The following TNKS2 variants were observed in gnomAD, a reference collection of about 807,000 sequenced individuals.
TNKS2 encodes tankyrase 2, also known as poly [ADP-ribose] polymerase tankyrase-2.
A neutral mutation model predicts 137.6 loss-of-function variants in TNKS2; 72 were observed. That is an observed-to-expected ratio of 0.52 (90% CI 0.43 to 0.64). The LOEUF is 0.64. Among genes scored for constraint, TNKS2 ranks in the 30% least tolerant of loss-of-function variants. The pLI, the probability that TNKS2 is intolerant of heterozygous loss-of-function variation, is 0.00. For synonymous variants in TNKS2, 516 were observed against 512.1 expected, an observed-to-expected ratio of 1.01 and a Z score of -0.10; for missense variants, 1,049 against 1,410.2, an observed-to-expected ratio of 0.74 and a Z score of 4.10.
chr10:91,863,893 A>G lies in TNKS2; in HGVS notation c.*894A>G, dbSNP rs1379613677. The stretch of plus-strand genomic sequence containing the variant: ...GTTGAACAATTATTGTGTTCTTTTC[A>G]TGGAACATAAGTAGGATGTTACATT... On this transcript the variant is annotated 3_prime_UTR_variant, in exon 27 of 27. Transcript: ENST00000371627. 6.6e-6 allele frequency: 1 copy of G among 152,072 alleles called. No homozygotes were observed. Among genetic ancestry groups the G allele is most frequent in the African/African-American group, 2.4e-5 (1 of 41,418 alleles). 9.4% of individuals were successfully genotyped at this position (152,072 alleles called of 1,614,324 possible).
chr10:91,845,248 C>T (rs1200568266), intron 17 of TNKS2, among the ~76,000 whole-genome samples: 1 of 152,186 alleles, frequency 6.6e-6, no homozygotes, highest in Non-Finnish European at 1.5e-5. Context: ...TGCCTTAACA[C>T]CTGTCTCTTA....
chr10:91,810,920 C>CTTTTTGTTT (rs1844479781), intron 1 of TNKS2, among the ~76,000 whole-genome samples: 1 of 50,124 alleles, frequency 2.0e-5, no homozygotes. Context: ...CTTTTCTTTT[C>CTTTTTGTTT]TTTTTTTTTT....
chr10:91,798,658 G>T lies in TNKS2; in HGVS notation c.-33G>T. ...GCCGGGGCTCCTGCTCCGGTTGCTG[G>T]CGCTGTTGCTGGCTGTGGCGGCGGC... On this transcript the variant is annotated 5_prime_UTR_variant, in exon 1 of 27. Transcript: ENST00000371627. The T allele has an allele frequency of 8.2e-7, 1 of 1,219,274 alleles. No homozygotes were observed. 75.5% of individuals were successfully genotyped at this position (1,219,274 alleles called of 1,614,324 possible). A position where few individuals can be genotyped will look rare whatever the true frequency, so the allele number is the denominator to read the frequency against.
intron 7 of TNKS2, among the ~76,000 whole-genome samples, chr10:91,823,303 G>GT (rs1293082685): frequency 1.8e-5 from 2 of 113,606 alleles, no homozygotes; most frequent in East Asian, 2.7e-4. Context: ...TTTTTTTGTT[G>GT]TTTTTTTGGT....
intron 26 of TNKS2, among the ~76,000 whole-genome samples, chr10:91,862,544 A>G (rs2133688945): frequency 6.6e-6 from 1 of 152,280 alleles, no homozygotes. Flanking sequence ...GATTTTTCTT[A>G]GCTCTTATAA....
At chr10:91,852,537 T>A (rs1189958761) in intron 21 of TNKS2, among the ~76,000 whole-genome samples, 2 of 152,004 alleles carry the variant, frequency 1.3e-5, no homozygotes, top group African/African-American at 4.8e-5. Context: ...TGCAGCCTGG[T>A]TGACAGAGCG....
At chr10:91,806,887 C>G (rs948164668) in intron 1 of TNKS2, among the ~76,000 whole-genome samples, 4 of 152,118 alleles carry the variant, frequency 2.6e-5, no homozygotes, top group Non-Finnish European at 5.9e-5. Context: ...ATTACTGATA[C>G]AAATTTGCCA....
chr10:91,813,541 T>G (rs1157420036), intron 2 of TNKS2, among the ~76,000 whole-genome samples: 1 of 152,196 alleles, frequency 6.6e-6, no homozygotes, highest in Non-Finnish European at 1.5e-5. Context: ...GTCAAGGCCC[T>G]ACTTCCTGGA....
intron 21 of TNKS2, among the ~76,000 whole-genome samples, chr10:91,853,055 G>T (rs1842596326): frequency 6.6e-6 from 1 of 152,168 alleles, no homozygotes; most frequent in Non-Finnish European, 1.5e-5. Context: ...GACCATCGTT[G>T]TAACTCTACT....
At chr10:91,860,134 AAAT>A (rs1161620602) in intron 25 of TNKS2, among the ~76,000 whole-genome samples, 1 of 152,222 alleles carries the variant, frequency 6.6e-6, no homozygotes, top group Non-Finnish European at 1.5e-5. Context: ...TTTTGAAAGG[AAAT>A]AATAATCAAA....
chr10:91,804,787 A>G (rs1202132128), intron 1 of TNKS2, among the ~76,000 whole-genome samples: 1 of 151,818 alleles, frequency 6.6e-6, no homozygotes, highest in Non-Finnish European at 1.5e-5. Context: ...ACAGAGTTTC[A>G]CTCTTGTCGC....
intron 5 of TNKS2, 59 bp downstream of exon 5, chr10:91,819,616 TG>T: frequency 7.8e-7 from 1 of 1,277,558 alleles, no homozygotes; most frequent in African/African-American, 1.5e-5. Context: ...GATAAAGATG[TG>T]TTTATCTTAT....
Position 91,831,195 on chromosome 10 carries a change from T to C in TNKS2, c.1275+14T>C. The C allele has an allele frequency of 1.9e-6, 3 of 1,597,712 alleles. No individual in the cohort carries two copies. The highest frequency in any genetic ancestry group is 2.6e-6 in the Non-Finnish European group (3 of 1,165,954). On this transcript the variant is annotated intron_variant, in intron 11 of 26. Transcript: ENST00000371627. ...CATGAAGCAAAGGTATACTTCCTTT[T>C]TGGTAATCTTTGGTAATCCAATGAG...
chr10:91,848,357 G>A (rs911788511), intron 18 of TNKS2, 26 bp from the exon 19 acceptor site: 10 of 1,600,166 alleles, frequency 6.2e-6, no homozygotes, highest in Non-Finnish European at 7.7e-6. Flanking sequence ...GCTTATGGCA[G>A]ATGTTGTCTC....
chr10:91,802,223 A>ATT (rs557767694), intron 1 of TNKS2, among the ~76,000 whole-genome samples: 1 of 152,158 alleles, frequency 6.6e-6, no homozygotes, highest in African/African-American at 2.4e-5. Flanking sequence ...ATAAGAGGGG[A>ATT]TTTTTTTATT....
At chr10:91,850,740 T>G (rs1842517496) in intron 20 of TNKS2, among the ~76,000 whole-genome samples, 1 of 152,034 alleles carries the variant, frequency 6.6e-6, no homozygotes, top group Non-Finnish European at 1.5e-5. Context: ...AAACAGAAAT[T>G]TGAAGAAGGA....
Position 91,855,611 on chromosome 10 carries a change from C to T in TNKS2, c.2914-3C>T, listed in dbSNP as rs1012616889. 3.7e-6 allele frequency: 6 copies of T among 1,607,184 alleles called. No homozygotes were observed. Among genetic ancestry groups the T allele is most frequent in the Admixed American group, 1.7e-5 (1 of 58,778 alleles). On this transcript the variant is annotated splice_region_variant and splice_polypyrimidine_tract_variant and intron_variant, in intron 22 of 26. Transcript: ENST00000371627. ...CATATATTTCAAACCATTTTTCTGA[C>T]AGATGCAAAGTACAGTTCGAGAGCA...
chr10:91,822,422 C>A, intron 7 of TNKS2, 60 bp downstream of exon 7: 1 of 1,315,994 alleles, frequency 7.6e-7, no homozygotes, highest in Non-Finnish European at 1.1e-6. Context: ...ACTTGAAATA[C>A]ATTAGTATGT....
At chr10:91,842,686 G>T (rs1842245749) in intron 16 of TNKS2, among the ~76,000 whole-genome samples, 1 of 152,096 alleles carries the variant, frequency 6.6e-6, no homozygotes, top group South Asian at 2.1e-4. Context: ...GAGGTGGGAA[G>T]ATTGAGCCCA....
Sources: gnomAD v4.1 joint callset for allele counts (sites outside exome capture counted in the v4.1 genomes callset) on GRCh38, gnomAD v4.1.1 for gene constraint, MANE v1.5 for transcripts, NCBI Gene and HGNC (gene_info 2026-07-23, HGNC 2026-07-21) for gene names.